LCMT1: variants seen among roughly 807,000 people sequenced by gnomAD.
The protein encoded by LCMT1 is leucine carboxyl methyltransferase 1.
A neutral mutation model predicts 47.7 loss-of-function variants in LCMT1; 32 were observed. That is an observed-to-expected ratio of 0.67 (90% CI 0.51 to 0.90). The LOEUF is 0.90. LCMT1 is among the 40% of genes least tolerant of loss of function. LCMT1 has a pLI of 0.00. For synonymous variants in LCMT1, 152 were observed against 149.7 expected (o/e 1.02, Z -0.11); for missense variants, 375 against 415.2 (o/e 0.90, Z 0.84).
At chr16:25,160,965 A>AT (rs1260083203) in intron 5 of LCMT1, 137 bp from the exon 6 acceptor site, 1 of 610,578 alleles carries the variant, frequency 1.6e-6, no homozygotes, top group African/African-American at 2.0e-5. Context: ...ATTTTGGTTA[A>AT]TTTTTACCCT....
chr16:25,134,481 C>T (rs1960445998), intron 3 of LCMT1, among the ~76,000 whole-genome samples: 1 of 152,212 alleles, frequency 6.6e-6, no homozygotes, highest in African/African-American at 2.4e-5. Context: ...AGGGATCAAG[C>T]ATTGTTATCT....
intron 1 of LCMT1, among the ~76,000 whole-genome samples, chr16:25,116,052 C>T (rs985724232): frequency 4.6e-5 from 7 of 152,196 alleles, no homozygotes; most frequent in African/African-American, 1.7e-4. Flanking sequence ...ACCAGAAACA[C>T]ACCTGTAGTT....
chr16:25,143,103 C>G (rs1444401250), intron 4 of LCMT1: 5 of 152,148 alleles, frequency 3.3e-5, no homozygotes, highest in African/African-American at 1.2e-4. Context: ...TGGGGACTGG[C>G]AGGATTTTGT....
intron 1 of LCMT1, among the ~76,000 whole-genome samples, chr16:25,118,179 G>T (rs1959856797): frequency 1.3e-5 from 2 of 152,102 alleles, no homozygotes; most frequent in African/African-American, 4.8e-5. Flanking sequence ...ATTAGAAAAA[G>T]ACCAGCATTT....
Position 25,161,222 on chromosome 16 carries a change from A to T in LCMT1, c.569+18A>T, listed in dbSNP as rs1296685550. The T allele has an allele frequency of 2.5e-5, 33 of 1,334,990 alleles. No homozygotes were observed. Among genetic ancestry groups the T allele is most frequent in the Non-Finnish European group, 3.1e-5 (29 of 948,830 alleles). The allele number at this position is 1,334,990 out of a possible 1,614,324, so 82.7% of individuals were successfully genotyped here. On this transcript the variant is annotated intron_variant, in intron 6 of 10. Coordinates refer to ENST00000399069, the MANE Select transcript of LCMT1 (RefSeq NM_016309.3). ...AATACACAGTGAGATTTTTTTTTTT[A>T]AACCTCTTCTGCATTTGTGATTTTA...
chr16:25,157,291 C>G (rs886101595), intron 5 of LCMT1, among the ~76,000 whole-genome samples: 15 of 152,062 alleles, frequency 9.9e-5, no homozygotes, highest in African/African-American at 3.6e-4. Flanking sequence ...CACCTATAAT[C>G]CCATTACTCT....
chr16:25,177,167 G>A (rs547298685), intron 10 of LCMT1, among the ~76,000 whole-genome samples: 1 of 151,086 alleles, frequency 6.6e-6, no homozygotes, highest in Admixed American at 6.6e-5. Flanking sequence ...GCAACAGAGC[G>A]CGACTCTGTC....
At chr16:25,168,247 C>T (rs1385514698) in intron 7 of LCMT1, among the ~76,000 whole-genome samples, 1 of 148,640 alleles carries the variant, frequency 6.7e-6, no homozygotes, top group African/African-American at 2.5e-5. Flanking sequence ...TGGAGTTTCA[C>T]CATGTTGGCC....
intron 5 of LCMT1, among the ~76,000 whole-genome samples, chr16:25,158,127 C>T (rs932027897): frequency 2.6e-5 from 4 of 152,250 alleles, no homozygotes; most frequent in African/African-American, 9.6e-5. Flanking sequence ...CTGTGTTCCA[C>T]ATCCACATTG....
At chr16:25,160,613 A>G (rs1329531917) in intron 5 of LCMT1, among the ~76,000 whole-genome samples, 2 of 152,358 alleles carry the variant, frequency 1.3e-5, no homozygotes, top group Non-Finnish European at 2.9e-5. Context: ...CATGATGTCT[A>G]TACAAGGGTG....
intron 6 of LCMT1, among the ~76,000 whole-genome samples, chr16:25,162,148 A>G (rs1433931370): frequency 1.3e-5 from 2 of 152,178 alleles, no homozygotes; most frequent in South Asian, 2.1e-4. Flanking sequence ...GATCTTGCAT[A>G]TATGCATAAG....
At chr16:25,160,071 C>T (rs773477295) in intron 5 of LCMT1, among the ~76,000 whole-genome samples, 17 of 151,546 alleles carry the variant, frequency 1.1e-4, no homozygotes, top group African/African-American at 3.4e-4. Context: ...GTTCAAGCCT[C>T]GAGAGTAGCT....
chr16:25,167,029 C>G (rs1961609661), intron 7 of LCMT1, among the ~76,000 whole-genome samples: 1 of 152,094 alleles, frequency 6.6e-6, no homozygotes, highest in Admixed American at 6.5e-5. Context: ...TTTGTGTATT[C>G]TTTTGTTGAA....
Position 25,169,184 on chromosome 16 carries a change from G to T in LCMT1, c.763G>T (p.Val255Leu), listed in dbSNP as rs1351690624. 1 of 1,613,044 alleles carries T rather than the reference G, an allele frequency of 6.2e-7. No homozygotes were observed. Among genetic ancestry groups the T allele is most frequent in the South Asian group, 1.1e-5 (1 of 91,054 alleles). Residue 255 changes from valine (V) to leucine (L), a missense_variant, in exon 8 of 11, where the codon GTG becomes TTG. Physicochemically the swap from Val to Leu is conservative, Grantham distance 32. Transcript: ENST00000399069. ...GAGACGCCAGTGTGACCTGGCGGGA[G>T]TGGAGACCTGCAAGTCATTAGAGTC... Reference protein sequence around the residue: ...LRRRQCDLAGVETCKSLESQK... With the variant: ...LRRRQCDLAGLETCKSLESQK...
chr16:25,116,562 A>G (rs1175801062), intron 1 of LCMT1, among the ~76,000 whole-genome samples: 2 of 151,982 alleles, frequency 1.3e-5, no homozygotes, highest in Non-Finnish European at 2.9e-5. Flanking sequence ...GCACCAGACC[A>G]GGTCCTGGAG....
chr16:25,116,360 G>A (rs915108555), intron 1 of LCMT1, among the ~76,000 whole-genome samples: 1 of 152,194 alleles, frequency 6.6e-6, no homozygotes, highest in Non-Finnish European at 1.5e-5. Flanking sequence ...TATTCCGTGG[G>A]TGGCACAGTG....
chr16:25,178,166 C>T lies in LCMT1; in HGVS notation c.*143C>T. On this transcript the variant is annotated 3_prime_UTR_variant, in exon 11 of 11. Coordinates refer to ENST00000399069, the MANE Select transcript of LCMT1 (RefSeq NM_016309.3). Reference sequence around the variant, plus strand: ...GAAGCCTTGGTCACTACAGTGGTCGCACATGTTCCTCTTCCTGTTCCTGTT... The same window carrying T: ...GAAGCCTTGGTCACTACAGTGGTCGTACATGTTCCTCTTCCTGTTCCTGTT... 1 of 683,736 alleles carries T rather than the reference C, an allele frequency of 1.5e-6. No individual in the cohort carries two copies. The highest frequency in any genetic ancestry group is 2.5e-6 in the Non-Finnish European group (1 of 394,286). 42.4% of individuals were successfully genotyped at this position (683,736 alleles called of 1,614,324 possible). A position where few individuals can be genotyped will look rare whatever the true frequency, so the allele number is the denominator to read the frequency against.
intron 4 of LCMT1, among the ~76,000 whole-genome samples, chr16:25,149,761 A>G (rs529650693): frequency 1.3e-5 from 2 of 152,218 alleles, no homozygotes; most frequent in East Asian, 3.9e-4. Context: ...TAAAAATACA[A>G]AAATTAGCTA....
intron 4 of LCMT1, among the ~76,000 whole-genome samples, chr16:25,150,310 C>G (rs1481935315): frequency 7.1e-6 from 1 of 141,586 alleles, no homozygotes; most frequent in Non-Finnish European, 1.5e-5. Flanking sequence ...AGCTCAAGAT[C>G]AAGGCATCTT....
Sources: gnomAD v4.1 joint callset for allele counts (sites outside exome capture counted in the v4.1 genomes callset) on GRCh38, gnomAD v4.1.1 for gene constraint, MANE v1.5 for transcripts, NCBI Gene and HGNC (gene_info 2026-07-23, HGNC 2026-07-21) for gene names.